NCKAP5: variants seen among roughly 807,000 people sequenced by gnomAD.
NCKAP5 encodes the protein nck-associated protein 5.
Under a neutral mutation model 167.0 loss-of-function variants are expected in NCKAP5, and 92 were observed. The observed-to-expected ratio is 0.55, with a 90% CI of 0.47 to 0.66. NCKAP5 has a LOEUF of 0.66. NCKAP5 is among the 30% of genes least tolerant of loss of function. The pLI is 0.00. For synonymous variants in NCKAP5, 891 were observed against 877.4 expected (o/e 1.02, Z -0.27); for missense variants, 2,378 against 2,315.0 (o/e 1.03, Z -0.56).
chr2:132,914,808 G>T (rs1446382639), intron 8 of NCKAP5, among the ~76,000 whole-genome samples: 1 of 151,994 alleles, frequency 6.6e-6, no homozygotes, highest in Admixed American at 6.6e-5. Flanking sequence ...AAGGCCATCA[G>T]ATAAAAAGCC....
chr2:133,040,063 A>G (rs997217648), intron 6 of NCKAP5, among the ~76,000 whole-genome samples: 4 of 152,068 alleles, frequency 2.6e-5, no homozygotes, highest in Admixed American at 1.3e-4. Context: ...TTAACATCCT[A>G]AACATTTACA....
intron 19 of NCKAP5, among the ~76,000 whole-genome samples, chr2:132,711,777 G>C (rs1326422027): frequency 6.6e-6 from 1 of 151,876 alleles, no homozygotes; most frequent in Non-Finnish European, 1.5e-5. Context: ...GCCAAATAAG[G>C]ATAGGATAAG....
At chr2:133,012,669 C>T (rs538283756) in intron 6 of NCKAP5, among the ~76,000 whole-genome samples, 1 of 152,244 alleles carries the variant, frequency 6.6e-6, no homozygotes, top group African/African-American at 2.4e-5. Context: ...TCCATGACTG[C>T]CTTCTCCAGA....
chr2:133,333,296 T>A (rs1682989820), intron 3 of NCKAP5, among the ~76,000 whole-genome samples: 1 of 152,108 alleles, frequency 6.6e-6, no homozygotes, highest in Non-Finnish European at 1.5e-5. Flanking sequence ...TTTAGATAAA[T>A]CCCAGGTCCT....
At chr2:132,711,326 C>A (rs1208135351) in intron 19 of NCKAP5, among the ~76,000 whole-genome samples, 3 of 152,168 alleles carry the variant, frequency 2.0e-5, no homozygotes, top group Non-Finnish European at 1.5e-5. Flanking sequence ...CCTCACTGAG[C>A]CTTTCTTGGG....
At chr2:133,044,430 C>T (rs2079321877) in intron 6 of NCKAP5, among the ~76,000 whole-genome samples, 1 of 152,012 alleles carries the variant, frequency 6.6e-6, no homozygotes, top group Non-Finnish European at 1.5e-5. Context: ...TGAACGGGCA[C>T]CTCAAAGAAG....
intron 5 of NCKAP5, among the ~76,000 whole-genome samples, chr2:133,144,034 G>A (rs867406322): frequency 3.9e-5 from 6 of 152,066 alleles, no homozygotes; most frequent in African/African-American, 1.2e-4. Context: ...GAGATTGTAG[G>A]GTATAGAAGA....
At chr2:133,215,839 GTCTC>G (rs2086404763) in intron 4 of NCKAP5, among the ~76,000 whole-genome samples, 1 of 152,072 alleles carries the variant, frequency 6.6e-6, no homozygotes, top group Non-Finnish European at 1.5e-5. Context: ...GGGTAAAACT[GTCTC>G]TATTTACAGA....
chr2:133,318,086 T>G (rs1681742833), intron 3 of NCKAP5, among the ~76,000 whole-genome samples: 1 of 152,196 alleles, frequency 6.6e-6, no homozygotes, highest in African/African-American at 2.4e-5. Context: ...CTTTTCTCCT[T>G]CAACTTTACC....
intron 19 of NCKAP5, among the ~76,000 whole-genome samples, chr2:132,719,547 G>C (rs967683218): frequency 6.6e-6 from 1 of 152,216 alleles, no homozygotes; most frequent in African/African-American, 2.4e-5. Flanking sequence ...AGCATGACAG[G>C]CTTTGGCATT....
chr2:133,417,413 G>A (rs1689187020), intron 3 of NCKAP5, among the ~76,000 whole-genome samples: 1 of 152,208 alleles, frequency 6.6e-6, no homozygotes, highest in African/African-American at 2.4e-5. Flanking sequence ...TGCGCAGCCT[G>A]GAATCGACCC....
At chr2:132,944,576 T>G (rs1365465668) in intron 8 of NCKAP5, among the ~76,000 whole-genome samples, 1 of 152,218 alleles carries the variant, frequency 6.6e-6, no homozygotes, top group Non-Finnish European at 1.5e-5. Flanking sequence ...AGAACTCAGC[T>G]ATCTGCTAAG....
intron 8 of NCKAP5, among the ~76,000 whole-genome samples, chr2:132,881,987 T>G (rs974936275): frequency 2.0e-5 from 3 of 152,198 alleles, no homozygotes; most frequent in African/African-American, 7.2e-5. Flanking sequence ...GAGTTGACAT[T>G]CTTCCATAGG....
At chr2:132,827,562 T>A (rs1245850197) in intron 11 of NCKAP5, among the ~76,000 whole-genome samples, 1 of 152,172 alleles carries the variant, frequency 6.6e-6, no homozygotes, top group Non-Finnish European at 1.5e-5. Flanking sequence ...AACTTCCCTA[T>A]GGGGTGGATA....
intron 3 of NCKAP5, among the ~76,000 whole-genome samples, chr2:133,376,616 A>G (rs959254764): frequency 6.6e-6 from 1 of 152,108 alleles, no homozygotes; most frequent in African/African-American, 2.4e-5. Flanking sequence ...GGGCTGGGTA[A>G]TCTTTCTAAA....
intron 8 of NCKAP5, among the ~76,000 whole-genome samples, chr2:132,935,568 T>A (rs1031725217): frequency 1.3e-5 from 2 of 151,968 alleles, no homozygotes; most frequent in Admixed American, 1.3e-4. Flanking sequence ...ACACACGGTA[T>A]GTTCAGGGGC....
intron 17 of NCKAP5, among the ~76,000 whole-genome samples, chr2:132,730,191 T>C (rs1459612940): frequency 2.6e-5 from 4 of 152,192 alleles, no homozygotes; most frequent in Admixed American, 1.3e-4. Flanking sequence ...TTCACTGTAA[T>C]TTAATTAAGA....
At chr2:132,796,120 C>T (rs561391387) in intron 12 of NCKAP5, among the ~76,000 whole-genome samples, 6 of 152,088 alleles carry the variant, frequency 3.9e-5, no homozygotes, top group South Asian at 4.2e-4. Flanking sequence ...TTAAGCCTCA[C>T]GTTTTTCATT....
the NCKAP5 span, among the ~76,000 whole-genome samples, chr2:133,645,599 T>A: frequency 2.0e-5 from 3 of 152,202 alleles, no homozygotes; most frequent in Non-Finnish European, 4.4e-5. Context: ...TAATGAAGTA[T>A]GCAAGTCACC....
Sources: allele counts gnomAD v4.1 joint callset (sites outside exome capture counted in the v4.1 genomes callset), GRCh38; gene constraint gnomAD v4.1.1; transcripts MANE v1.5; gene names NCBI Gene and HGNC (gene_info 2026-07-23, HGNC 2026-07-21).